RASGRP1: variants seen among roughly 807,000 people sequenced by gnomAD.
RASGRP1 encodes the protein RAS guanyl releasing protein 1, also known as RAS guanyl-releasing protein 1.
Under a neutral mutation model 95.1 loss-of-function variants are expected in RASGRP1, and 37 were observed. That is an observed-to-expected ratio of 0.39 (90% CI 0.30 to 0.51). The LOEUF is 0.51. Among genes scored for constraint, RASGRP1 ranks in the 20% least tolerant of loss-of-function variants. RASGRP1 has a pLI of 0.80. For synonymous variants in RASGRP1, 325 were observed against 353.4 expected, an observed-to-expected ratio of 0.92 and a Z score of 0.90; for missense variants, 711 against 965.4, an observed-to-expected ratio of 0.74 and a Z score of 3.49.
intron 2 of RASGRP1, among the ~76,000 whole-genome samples, chr15:38,536,286 G>T (rs1474925526): frequency 2.0e-5 from 3 of 152,200 alleles, no homozygotes; most frequent in African/African-American, 7.2e-5. Context: ...GCGGGGCCCT[G>T]TCCTAGCTTC....
intron 2 of RASGRP1, among the ~76,000 whole-genome samples, chr15:38,553,796 C>G (rs1443223007): frequency 6.6e-6 from 1 of 152,186 alleles, no homozygotes; most frequent in African/African-American, 2.4e-5. Context: ...CAGACCTGCT[C>G]TTAGGCAGGG....
intron 2 of RASGRP1, among the ~76,000 whole-genome samples, chr15:38,529,668 TC>T (rs779288262): frequency 6.6e-4 from 101 of 152,338 alleles, no homozygotes; most frequent in Non-Finnish European, 1.2e-3. Flanking sequence ...CTGGGCCTTG[TC>T]CACTTTTTCC....
At chr15:38,512,562 T>C (rs1418179570) in intron 7 of RASGRP1, among the ~76,000 whole-genome samples, 1 of 152,182 alleles carries the variant, frequency 6.6e-6, no homozygotes, top group Non-Finnish European at 1.5e-5. Flanking sequence ...TCCTGACCCC[T>C]GATATGGCCT....
intron 11 of RASGRP1, 71 bp downstream of exon 11, chr15:38,503,201 C>T (rs1891108133): frequency 8.0e-7 from 1 of 1,247,930 alleles, no homozygotes. Context: ...GCTTTCCTCT[C>T]CCTTTACCCC....
In RASGRP1 at chr15:38,550,239, C is replaced by T. The variant is rs1473384575; in HGVS notation, c.220+9582G>A. On this transcript the variant is annotated intron_variant, in intron 2 of 16. Coordinates refer to ENST00000310803, the MANE Select transcript of RASGRP1 (RefSeq NM_005739.4). The stretch of plus-strand genomic sequence containing the variant: ...TACTCCAGCCTGGGTGAGACTCTGT[C>T]GCCAAAAAAAAAAAAAAAAAGAAAA... Among the ~76,000 whole-genome samples, 18 of 105,916 alleles carry T rather than the reference C, an allele frequency of 1.7e-4. 1 individual carries two copies. The highest frequency in any genetic ancestry group is 1.6e-3 in the Admixed American group (15 of 9,472). The allele number at this position is 105,916 out of a possible 152,430, so 69.5% of individuals were successfully genotyped here. A position where few individuals can be genotyped will look rare whatever the true frequency, so the allele number is the denominator to read the frequency against.
rs113635206 is a variant in RASGRP1 at position 38,553,643 on chromosome 15, G to A, written c.220+6178C>T. Among the ~76,000 whole-genome samples, 120 of 152,324 alleles carry A rather than the reference G, an allele frequency of 7.9e-4. 2 individuals are homozygous for A. Among genetic ancestry groups the A allele is most frequent in the African/African-American group, 2.6e-3 (109 of 41,576 alleles). On this transcript the variant is annotated intron_variant, in intron 2 of 16. Transcript: ENST00000310803. Reference sequence around the variant, plus strand: ...CTAGGAATATGGCCTTTGAATGCAAGAATCAAACTGTAGTTGTAACAGACA... The same window carrying A: ...CTAGGAATATGGCCTTTGAATGCAAAAATCAAACTGTAGTTGTAACAGACA...
chr15:38,498,907 A>G lies in RASGRP1; in HGVS notation c.1760T>C (p.Val587Ala), dbSNP rs768478247. The change falls in exon 15 of 17, where the codon GTT (valine) becomes GCT (alanine). Residue 587 changes from valine to alanine, a missense_variant. Physicochemically the swap from Val to Ala is moderately conservative, Grantham distance 64. Around this residue, in one of 3 missense-constraint regions of RASGRP1, gnomAD observed 212 missense variants for 247.8 expected, o/e 0.86. Coordinates refer to ENST00000310803, the MANE Select transcript of RASGRP1 (RefSeq NM_005739.4). ...GGCTCGCTTCTTACACTCAAACACA[A>G]CCAGATCTTTGCATTGTTTGTGACA... is the stretch of plus-strand genomic sequence containing the variant. ...MNCHKQCKDL[V>A]VFECKKRAKN... The G allele has an allele frequency of 9.3e-6, 15 of 1,613,762 alleles. No homozygotes were observed. In the East Asian group the frequency reaches 3.3e-4, roughly 36 times the overall value.
At chr15:38,507,140 G>A (rs558096801) in intron 9 of RASGRP1, among the ~76,000 whole-genome samples, 1 of 152,302 alleles carries the variant, frequency 6.6e-6, no homozygotes, top group African/African-American at 2.4e-5. Flanking sequence ...ACGGTTATAT[G>A]TCCATAGTCA....
chr15:38,541,385 G>A (rs959506196), intron 2 of RASGRP1, among the ~76,000 whole-genome samples: 1 of 152,172 alleles, frequency 6.6e-6, no homozygotes, highest in Non-Finnish European at 1.5e-5. Context: ...GAGCTCAGGA[G>A]TTTGAGACCA....
intron 16 of RASGRP1, among the ~76,000 whole-genome samples, chr15:38,493,433 C>T (rs1890674122): frequency 2.0e-5 from 3 of 151,862 alleles, no homozygotes. Context: ...CCACCTCTGC[C>T]TCCCAAAGTG....
intron 14 of RASGRP1, among the ~76,000 whole-genome samples, chr15:38,499,527 A>G (rs894365174): frequency 3.3e-5 from 5 of 152,198 alleles, no homozygotes; most frequent in African/African-American, 4.8e-5. Flanking sequence ...ATACAGAGAA[A>G]ATGCCTATCT....
At chr15:38,556,320 G>A (rs1595884720) in intron 2 of RASGRP1, among the ~76,000 whole-genome samples, 1 of 152,194 alleles carries the variant, frequency 6.6e-6, no homozygotes, top group African/African-American at 2.4e-5. Flanking sequence ...TGAGAGGCTT[G>A]CTAGAGGCCT....
intron 2 of RASGRP1, among the ~76,000 whole-genome samples, chr15:38,553,116 G>A (rs1893404579): frequency 6.6e-6 from 1 of 152,108 alleles, no homozygotes; most frequent in African/African-American, 2.4e-5. Flanking sequence ...CCAGGAAGCT[G>A]GCTCTGCTTA....
chr15:38,525,097 A>G (rs1186032602), intron 3 of RASGRP1, among the ~76,000 whole-genome samples: 3 of 151,602 alleles, frequency 2.0e-5, no homozygotes, highest in Non-Finnish European at 4.4e-5. Context: ...CCTCATGAGT[A>G]GCTGGAATTA....
At chr15:38,515,674 G>A (rs1891729416) in intron 6 of RASGRP1, among the ~76,000 whole-genome samples, 1 of 151,904 alleles carries the variant, frequency 6.6e-6, no homozygotes, top group African/African-American at 2.4e-5. Context: ...GGTATGTTCT[G>A]GGCTAGGGCA....
chr15:38,513,915 G>A (rs546117098), intron 6 of RASGRP1, among the ~76,000 whole-genome samples: 22 of 152,292 alleles, frequency 1.4e-4, no homozygotes, highest in African/African-American at 4.6e-4. Flanking sequence ...TAACTTTGGA[G>A]GCAAAGATGT....
At chr15:38,497,056 T>G (rs1489252964) in intron 15 of RASGRP1, among the ~76,000 whole-genome samples, 1 of 152,238 alleles carries the variant, frequency 6.6e-6, no homozygotes, top group South Asian at 2.1e-4. Context: ...AACTCATTTC[T>G]TATTTCCCTT....
At chr15:38,559,657 A>T (rs1387583629) in intron 2 of RASGRP1, among the ~76,000 whole-genome samples, 164 bp downstream of exon 2, 1 of 152,226 alleles carries the variant, frequency 6.6e-6, no homozygotes, top group Non-Finnish European at 1.5e-5. Flanking sequence ...ACACCCACAT[A>T]GTCATGTGCC....
At chr15:38,500,405 G>A (rs377193722) in intron 13 of RASGRP1, among the ~76,000 whole-genome samples, 7 of 151,684 alleles carry the variant, frequency 4.6e-5, no homozygotes, top group African/African-American at 1.7e-4. Context: ...GCAGTGGTGC[G>A]ATCTCGGCTC....
Sources: gnomAD v4.1 joint callset for allele counts (sites outside exome capture counted in the v4.1 genomes callset) on GRCh38, gnomAD v4.1.1 for gene constraint, gnomAD v4.1.1 regional missense constraint, MANE v1.5 for transcripts, NCBI Gene and HGNC (gene_info 2026-07-23, HGNC 2026-07-21) for gene names.